The following RUNX2 variants were observed in gnomAD, a reference collection of about 807,000 sequenced individuals.
RUNX2 encodes RUNX family transcription factor 2, also known as runt-related transcription factor 2.
In RUNX2, 10 loss-of-function variants were observed where a neutral mutation model predicts 51.7. The observed-to-expected ratio is 0.19, with a 90% CI of 0.12 to 0.33. The LOEUF (loss-of-function observed/expected upper bound fraction) is 0.33. RUNX2 is among the 10% of genes least tolerant of loss of function. The pLI is 1.00. For missense variants in RUNX2, 562 were observed against 691.3 expected (o/e 0.81, Z 2.10); for synonymous variants, 276 against 273.6 (o/e 1.01, Z -0.09).
intron 2 of RUNX2, among the ~76,000 whole-genome samples, chr6:45,339,185 T>A (rs970642140): frequency 2.0e-5 from 3 of 152,048 alleles, no homozygotes; most frequent in African/African-American, 7.2e-5. Flanking sequence ...ATTGAAAGAG[T>A]ATTCCATTAA....
At chr6:45,500,916 G>A (rs1225540368) in intron 6 of RUNX2, among the ~76,000 whole-genome samples, 1 of 152,212 alleles carries the variant, frequency 6.6e-6, no homozygotes. Flanking sequence ...GTTGGTAGAT[G>A]GAAGAACTTC....
intron 7 of RUNX2, among the ~76,000 whole-genome samples, chr6:45,522,400 C>T (rs1400708991): frequency 6.6e-6 from 1 of 152,002 alleles, no homozygotes; most frequent in Non-Finnish European, 1.5e-5. Flanking sequence ...TAATTCACAT[C>T]CGTAACCAAC....
In RUNX2 at chr6:45,425,503, A is replaced by G. The variant is rs79431276; in HGVS notation, c.423+2546A>G. ...AAATTGACTATTTTAATTCATATCAATTGAATAATGAATTGAGTTAACCTA... is the reference window on the plus strand; with the variant it reads ...AAATTGACTATTTTAATTCATATCAGTTGAATAATGAATTGAGTTAACCTA... On this transcript the variant is annotated intron_variant, in intron 3 of 8. Coordinates refer to ENST00000647337, the MANE Select transcript of RUNX2 (RefSeq NM_001024630.4). 4.0e-3 allele frequency among the ~76,000 whole-genome samples: 606 copies of G among 152,358 alleles called. 11 individuals are homozygous for G. Among genetic ancestry groups the G allele is most frequent in the Admixed American group, 0.035 (529 of 15,302 alleles).
At chr6:45,348,045 G>A (rs1791246476) in intron 2 of RUNX2, among the ~76,000 whole-genome samples, 1 of 151,990 alleles carries the variant, frequency 6.6e-6, no homozygotes, top group South Asian at 2.1e-4. Context: ...GTGGATATGT[G>A]GATATGTGTA....
chr6:45,432,542 A>G lies in RUNX2; in HGVS notation c.580+523A>G, dbSNP rs116430953. On this transcript the variant is annotated intron_variant, in intron 4 of 8. Coordinates refer to ENST00000647337, the MANE Select transcript of RUNX2 (RefSeq NM_001024630.4). ...TTAACATAAGGCTTTTCATTTGAAT[A>G]AGTGAATAATGTATTACTTATGTTA... 1.9e-3 allele frequency among the ~76,000 whole-genome samples: 282 copies of G among 152,314 alleles called. 1 individual carries two copies. The highest frequency in any genetic ancestry group is 6.5e-3 in the African/African-American group (270 of 41,582).
At chr6:45,490,226 T>C (rs556937894) in intron 5 of RUNX2, among the ~76,000 whole-genome samples, 6 of 152,364 alleles carry the variant, frequency 3.9e-5, no homozygotes, top group African/African-American at 1.4e-4. Flanking sequence ...TCTAGGGATC[T>C]AAAATCTATT....
intron 2 of RUNX2, among the ~76,000 whole-genome samples, chr6:45,410,787 T>C (rs780901638): frequency 6.6e-6 from 1 of 152,204 alleles, no homozygotes; most frequent in Non-Finnish European, 1.5e-5. Context: ...TGTTGCCCCT[T>C]GTCTTTCTTT....
At chr6:45,442,842 G>A (rs1447862688) in intron 5 of RUNX2, among the ~76,000 whole-genome samples, 1 of 152,004 alleles carries the variant, frequency 6.6e-6, no homozygotes, top group Admixed American at 6.6e-5. Flanking sequence ...TGATGCCTTG[G>A]TGGGATGGCT....
intron 5 of RUNX2, among the ~76,000 whole-genome samples, chr6:45,489,925 T>C (rs958783562): frequency 6.6e-6 from 1 of 152,234 alleles, no homozygotes; most frequent in Non-Finnish European, 1.5e-5. Context: ...GGCACCTCAC[T>C]GGGCTTAGTT....
rs115855930 is a variant in RUNX2, at chr6:45,459,680, T to C, written c.685+21629T>C. ...AAAATTGTTTCCCTCTTGGAACTTG[T>C]GTTCTATTGAAAGAGGGAGACAATA... On this transcript the variant is annotated intron_variant, in intron 5 of 8. Coordinates refer to ENST00000647337, the MANE Select transcript of RUNX2 (RefSeq NM_001024630.4). Among the ~76,000 whole-genome samples, 1,002 of 152,344 alleles carry C rather than the reference T, an allele frequency of 6.6e-3. 9 individuals carry two copies. Among genetic ancestry groups the C allele is most frequent in the African/African-American group, 0.022 (906 of 41,576 alleles).
At chr6:45,375,026 G>T (rs1463217725) in intron 2 of RUNX2, among the ~76,000 whole-genome samples, 1 of 152,178 alleles carries the variant, frequency 6.6e-6, no homozygotes, top group Non-Finnish European at 1.5e-5. Context: ...GGCCAACATA[G>T]TGAAACTCTG....
At chr6:45,443,036 CTTTTTTTTTTT>C (rs10564853) in intron 5 of RUNX2, among the ~76,000 whole-genome samples, 11 of 52,170 alleles carry the variant, frequency 2.1e-4, no homozygotes, top group Admixed American at 1.8e-3. Context: ...TCAGGCCTTG[CTTTTTTTTTTT>C]TTTTTTTTTT....
Position 45,422,765 on chromosome 6 carries a change from T to TGCGGCGGCGGCGGCG in RUNX2, c.234_248dup (p.Ala85_Ala89dup), listed in dbSNP as rs750984370. ...AGCAGCAGGAGGCGGCGGCGGCGGC[T>TGCGGCGGCGGCGGCG]GCGGCGGCGGCGGCGGCTGCGGCGG... On this transcript the variant is annotated inframe_insertion, in exon 3 of 9. Coordinates refer to ENST00000647337, the MANE Select transcript of RUNX2 (RefSeq NM_001024630.4). The TGCGGCGGCGGCGGCG allele has an allele frequency of 7.5e-7, 1 of 1,334,620 alleles. No individual in the cohort carries two copies. The highest frequency in any genetic ancestry group is 1.5e-5 in the African/African-American group (1 of 66,040). 82.7% of individuals were successfully genotyped at this position (1,334,620 alleles called of 1,614,324 possible).
intron 5 of RUNX2, among the ~76,000 whole-genome samples, chr6:45,448,607 A>G (rs561727987): frequency 6.0e-4 from 91 of 152,146 alleles, no homozygotes; most frequent in Non-Finnish European, 3.8e-4. Context: ...GGTGGGGAAG[A>G]CATCAGATGA....
intron 2 of RUNX2, among the ~76,000 whole-genome samples, chr6:45,392,872 T>G (rs1193868075): frequency 2.6e-5 from 4 of 152,200 alleles, no homozygotes; most frequent in Non-Finnish European, 5.9e-5. Context: ...ATTACAAGTA[T>G]GTTACCCTTT....
At chr6:45,480,694 A>G (rs1373430912) in intron 5 of RUNX2, among the ~76,000 whole-genome samples, 1 of 152,218 alleles carries the variant, frequency 6.6e-6, no homozygotes, top group East Asian at 1.9e-4. Flanking sequence ...GATTAAAACT[A>G]AGTACCTTAA....
intron 3 of RUNX2, 143 bp downstream of exon 3, chr6:45,423,100 G>GCC (rs1563079668): frequency 1.2e-6 from 1 of 849,112 alleles, no homozygotes; most frequent in Non-Finnish European, 1.6e-6. Flanking sequence ...CCCCGGCCGG[G>GCC]CCTCCCTCCG....
chr6:45,354,609 C>G (rs974064114), intron 2 of RUNX2, among the ~76,000 whole-genome samples: 1 of 139,198 alleles, frequency 7.2e-6, no homozygotes, highest in Admixed American at 7.6e-5. Flanking sequence ...CAAACAGTAA[C>G]TACACAAATG....
rs758392852 is a variant in RUNX2 at position 45,328,424 on chromosome 6, C to T, written c.-103C>T. 1.7e-5 allele frequency: 24 copies of T among 1,429,790 alleles called. No individual in the cohort carries two copies. In the East Asian group the frequency reaches 7.2e-4, roughly 43 times the overall value. The allele number at this position is 1,429,790 out of a possible 1,614,324, so 88.6% of individuals were successfully genotyped here. On this transcript the variant is annotated 5_prime_UTR_variant, in exon 1 of 9. Coordinates refer to ENST00000647337, the MANE Select transcript of RUNX2 (RefSeq NM_001024630.4). Reference sequence around the variant, plus strand: ...CTCTGGTTTTTAAATGGTTAATCTCCGCAGGTCACTACCAGCCACCGAGAC... The same window carrying T: ...CTCTGGTTTTTAAATGGTTAATCTCTGCAGGTCACTACCAGCCACCGAGAC...
Sources: allele counts gnomAD v4.1 joint callset (sites outside exome capture counted in the v4.1 genomes callset), GRCh38; gene constraint gnomAD v4.1.1; transcripts MANE v1.5; gene names NCBI Gene and HGNC (gene_info 2026-07-23, HGNC 2026-07-21).